AP3S2: variants seen among roughly 807,000 people sequenced by gnomAD.
AP3S2 encodes adaptor related protein complex 3 subunit sigma 2, also known as AP-3 complex subunit sigma-2.
A neutral mutation model predicts 23.4 loss-of-function variants in AP3S2; 22 were observed. That is an observed-to-expected ratio of 0.94 (90% confidence interval 0.67 to 1.34). The LOEUF is 1.34. Among genes scored for constraint, AP3S2 ranks in the 40% most tolerant of loss-of-function variants. The pLI is 0.00. For missense variants in AP3S2, 241 were observed against 236.9 expected, an observed-to-expected ratio of 1.02 and a Z score of -0.11; for synonymous variants, 86 against 87.1, an observed-to-expected ratio of 0.99 and a Z score of 0.07.
At chr15:89,888,326 G>C (rs750929288) in intron 3 of AP3S2, among the ~76,000 whole-genome samples, 195 bp downstream of exon 3, 1 of 152,182 alleles carries the variant, frequency 6.6e-6, no homozygotes, top group Non-Finnish European at 1.5e-5. Flanking sequence ...GGCAGTGCAA[G>C]GGCTAGATAG....
chr15:89,892,481 G>A (rs1451953793), intron 1 of AP3S2, among the ~76,000 whole-genome samples: 2 of 152,012 alleles, frequency 1.3e-5, no homozygotes, highest in Non-Finnish European at 2.9e-5. Flanking sequence ...AGACCAGCCT[G>A]GGCAACATAG....
At chr15:89,866,508 G>A (rs1339322911) in intron 4 of AP3S2, among the ~76,000 whole-genome samples, 1 of 147,956 alleles carries the variant, frequency 6.8e-6, no homozygotes, top group Non-Finnish European at 1.5e-5. Context: ...TTTTTGAAAT[G>A]GAGTTTTGCT....
chr15:89,846,412 C>A (rs114102272), intron 4 of AP3S2, among the ~76,000 whole-genome samples: 1 of 151,910 alleles, frequency 6.6e-6, no homozygotes, highest in Non-Finnish European at 1.5e-5. Flanking sequence ...GGATGGAATA[C>A]AGTGGCATGA....
In AP3S2 at chr15:89,889,074, T is replaced by A. The variant is rs1896761256; in HGVS notation, c.136A>T (p.Ile46Phe). 1.2e-6 allele frequency: 2 copies of A among 1,614,036 alleles called. No individual in the cohort carries two copies. Among genetic ancestry groups the A allele is most frequent in the African/African-American group, 2.7e-5 (2 of 74,912 alleles). The change falls in exon 2 of 6, where the codon ATC becomes TTC. Residue 46 changes from isoleucine to phenylalanine, a missense_variant. Ile to Phe is a conservative substitution (Grantham distance 21). Transcript: ENST00000336418. ...CTTCCACCCTCCAAGAAGTTACAGA[T>A]GTTGTCATCCCGCTTGAGGACTAGA... is the stretch of plus-strand genomic sequence containing the variant. Reference protein sequence around the residue: ...FHLVLKRDDNICNFLEGGSLI... With the variant: ...FHLVLKRDDNFCNFLEGGSLI...
rs745615840 is a variant in AP3S2 at position 89,877,421 on chromosome 15, T to A, written c.274-5875A>T. ...TGGCTTTTCTTCCTCTCTCTTTTTT[T>A]AAGCTGTGGTAAAATACACGTAACA... On this transcript the variant is annotated intron_variant, in intron 3 of 5. Coordinates refer to ENST00000336418, the MANE Select transcript of AP3S2 (RefSeq NM_005829.5). 4.7e-6 allele frequency: 6 copies of A among 1,286,736 alleles called. No individual in the cohort carries two copies. The African/African-American group carries it at 9.1e-5, about 20-fold the overall frequency. 79.7% of individuals were successfully genotyped at this position (1,286,736 alleles called of 1,614,324 possible).
At chr15:89,875,675 G>A (rs1374021025) in intron 3 of AP3S2, among the ~76,000 whole-genome samples, 1 of 152,200 alleles carries the variant, frequency 6.6e-6, no homozygotes, top group Admixed American at 6.5e-5. Context: ...TGGGCTGGGC[G>A]CAGTGACTCA....
At chr15:89,888,284 G>A (rs1372065323) in intron 3 of AP3S2, among the ~76,000 whole-genome samples, 1 of 152,164 alleles carries the variant, frequency 6.6e-6, no homozygotes, top group African/African-American at 2.4e-5. Context: ...ACCACACCCG[G>A]CCAAAGTATA....
At chr15:89,849,940 T>C (rs752222169) in intron 4 of AP3S2, among the ~76,000 whole-genome samples, 7 of 152,162 alleles carry the variant, frequency 4.6e-5, no homozygotes, top group Non-Finnish European at 7.3e-5. Context: ...TGGTTTTCTG[T>C]TCTTGTGTTA....
chr15:89,840,434 C>G (rs1895300401), intron 4 of AP3S2, among the ~76,000 whole-genome samples: 2 of 152,000 alleles, frequency 1.3e-5, no homozygotes, highest in South Asian at 2.1e-4. Context: ...ATTATTATTA[C>G]TATTATTATT....
chr15:89,880,809 T>C (rs537226808), intron 3 of AP3S2, among the ~76,000 whole-genome samples: 17 of 152,338 alleles, frequency 1.1e-4, no homozygotes, highest in African/African-American at 4.1e-4. Context: ...TAAATGTTTA[T>C]TCAACCATTG....
rs1171319476 is a variant in AP3S2, at chr15:89,880,983, TG to T, written c.273+7537del. Among the ~76,000 whole-genome samples, 5 of 152,230 alleles carry T rather than the reference TG, an allele frequency of 3.3e-5. 1 individual carries two copies. Among genetic ancestry groups the T allele is most frequent in the African/African-American group, 1.2e-4 (5 of 41,458 alleles). Reference sequence around the variant, plus strand: ...AGTGCCCTGAAGGAAGTAAACAGGATGATGTGACAGGGGTTACTTCAGATAG... The same window carrying T: ...AGTGCCCTGAAGGAAGTAAACAGGATATGTGACAGGGGTTACTTCAGATAG... On this transcript the variant is annotated intron_variant, in intron 3 of 5. Transcript: ENST00000336418.
chr15:89,882,718 T>C (rs894867721), intron 3 of AP3S2, among the ~76,000 whole-genome samples: 2 of 152,218 alleles, frequency 1.3e-5, no homozygotes, highest in African/African-American at 2.4e-5. Context: ...AACTCTATTA[T>C]TAGTTCCAAT....
rs1279849788 is a variant in AP3S2, at chr15:89,834,698, G to C, written c.*817C>G. 4 of 152,130 alleles carry C rather than the reference G, an allele frequency of 2.6e-5. No individual in the cohort carries two copies. The highest frequency in any genetic ancestry group is 4.4e-5 in the Non-Finnish European group (3 of 68,062). 9.4% of individuals were successfully genotyped at this position (152,130 alleles called of 1,614,324 possible). The stretch of plus-strand genomic sequence containing the variant: ...TAGATCACTTGAGGTCCAGGAGTTC[G>C]AGCCCAGCCTGGCCAACATGGTGAA... On this transcript the variant is annotated 3_prime_UTR_variant, in exon 6 of 6. Transcript: ENST00000336418.
chr15:89,881,559 C>T (rs1596218484), intron 3 of AP3S2, among the ~76,000 whole-genome samples: 1 of 152,060 alleles, frequency 6.6e-6, no homozygotes, highest in Non-Finnish European at 1.5e-5. Context: ...TGATAAAATG[C>T]GCACCTTAGA....
intron 4 of AP3S2, among the ~76,000 whole-genome samples, chr15:89,868,115 G>A (rs1183932711): frequency 1.8e-5 from 2 of 109,466 alleles, no homozygotes; most frequent in Non-Finnish European, 4.0e-5. Flanking sequence ...GGAGGGAGAT[G>A]GGGGGGTCAG....
intron 4 of AP3S2, among the ~76,000 whole-genome samples, chr15:89,868,853 C>A (rs1371997338): frequency 1.1e-3 from 158 of 138,682 alleles, no homozygotes; most frequent in Non-Finnish European, 2.0e-3. Context: ...CCAGCTGCCC[C>A]GTCCGGGAGG....
Position 89,889,124 on chromosome 15 carries a change from T to C in AP3S2, c.86A>G (p.Gln29Arg). Residue 29 changes from glutamine to arginine, a missense_variant, in exon 2 of 6, where the codon CAG (glutamine) becomes CGG (arginine). Physicochemically the swap from Gln to Arg is conservative, Grantham distance 43. Transcript: ENST00000336418. ...ATGGAAAGTCTCTCGAACAATCTGC[T>C]GTTGAATTTCTTCTGGCTATGAAAC... ...FYQRFPEEIQ[Q>R]QIVRETFHLV... 6.2e-7 allele frequency: 1 copy of C among 1,614,216 alleles called. No homozygotes were observed. Among genetic ancestry groups the C allele is most frequent in the South Asian group, 1.1e-5 (1 of 91,084 alleles).
At chr15:89,868,758 C>T (rs1284309462) in intron 4 of AP3S2, among the ~76,000 whole-genome samples, 5 of 118,412 alleles carry the variant, frequency 4.2e-5, no homozygotes, top group Non-Finnish European at 1.8e-5. Context: ...TCTGCCCGGC[C>T]GCCCCTACTG....
intron 3 of AP3S2, 35 bp downstream of exon 3, chr15:89,888,486 T>C (rs778863447): frequency 1.9e-6 from 3 of 1,606,626 alleles, no homozygotes; most frequent in African/African-American, 2.7e-5. Context: ...GGAAACTCTC[T>C]AAAGCTGCTG....
Sources: gnomAD v4.1 joint callset for allele counts (sites outside exome capture counted in the v4.1 genomes callset) on GRCh38, gnomAD v4.1.1 for gene constraint, MANE v1.5 for transcripts, NCBI Gene and HGNC (gene_info 2026-07-23, HGNC 2026-07-21) for gene names.